CPB1: variants seen among roughly 807,000 people sequenced by gnomAD.
CPB1 encodes carboxypeptidase B.
In CPB1, 53 loss-of-function variants were observed where a neutral mutation model predicts 51.4. The ratio of observed to expected loss-of-function variants is 1.03; its 90% CI spans 0.83 to 1.30. The LOEUF is 1.30. Ranked by LOEUF, CPB1 falls within the 50% of genes most tolerant of loss-of-function variation. CPB1 has a pLI of 0.00. For synonymous variants in CPB1, 189 were observed against 186.9 expected (o/e 1.01, Z -0.09); for missense variants, 494 against 516.2 (o/e 0.96, Z 0.42).
chr3:148,846,797 G>GTGTGTGTATA (rs1364486523), intron 9 of CPB1, among the ~76,000 whole-genome samples: 80 of 50,496 alleles, frequency 1.6e-3, no homozygotes, highest in Non-Finnish European at 2.7e-3. Flanking sequence ...GTGTGCGTGT[G>GTGTGTGTATA]TATATATATA....
At chr3:148,831,928 A>C (rs1712749967) in intron 2 of CPB1, among the ~76,000 whole-genome samples, 1 of 152,108 alleles carries the variant, frequency 6.6e-6, no homozygotes, top group African/African-American at 2.4e-5. Flanking sequence ...AACAGCTGTG[A>C]GGCTATAGCA....
At chr3:148,830,954 C>A (rs1712716491) in intron 2 of CPB1, among the ~76,000 whole-genome samples, 1 of 152,134 alleles carries the variant, frequency 6.6e-6, no homozygotes, top group Non-Finnish European at 1.5e-5. Context: ...ATATTCTGGG[C>A]TGTAGCCTTC....
chr3:148,850,090 T>C (rs1238383080), intron 9 of CPB1, among the ~76,000 whole-genome samples: 1 of 152,248 alleles, frequency 6.6e-6, no homozygotes, highest in African/African-American at 2.4e-5. Flanking sequence ...CATGGCCTAG[T>C]CTTTATGATT....
intron 3 of CPB1, among the ~76,000 whole-genome samples, chr3:148,835,823 A>G (rs1712889094): frequency 1.3e-5 from 2 of 152,210 alleles, no homozygotes; most frequent in Admixed American, 1.3e-4. Context: ...TAAAAATGTA[A>G]AAGAATAGTA....
Position 148,827,875 on chromosome 3 carries a change from G to A in CPB1, c.52G>A (p.Gly18Ser). 1 of 1,614,040 alleles carries A rather than the reference G, an allele frequency of 6.2e-7. No individual in the cohort carries two copies. Among genetic ancestry groups the A allele is most frequent in the Non-Finnish European group, 8.5e-7 (1 of 1,179,932 alleles). The change falls in exon 1 of 11, where the codon GGT becomes AGT. Residue 18 changes from glycine (G) to serine (S), a missense_variant. Transcript: ENST00000282957. ...TGTGGCCCTGGCATCTGCTCATCAT[G>A]GTGGTGAGCACTTTGAAGGGTAAGT... is the stretch of plus-strand genomic sequence containing the variant. ...VTVALASAHH[G>S]GEHFEGEKVF...
Position 148,844,496 on chromosome 3 carries a change from CGTGA to C in CPB1, c.597_600del (p.Glu200SerfsTer3). 6.2e-7 allele frequency: 1 copy of C among 1,613,506 alleles called. No individual in the cohort carries two copies. Among genetic ancestry groups the C allele is most frequent in the Non-Finnish European group, 8.5e-7 (1 of 1,179,530 alleles). ...CATACAGGCTGTTCGTACCTATGGA[CGTGA>C]GATCCAAGTGACAGAGCTTCTCGAC... On this transcript the variant is annotated frameshift_variant, in exon 7 of 11. Transcript: ENST00000282957. LOFTEE classifies it high-confidence loss of function.
At chr3:148,857,633 C>A in intron 10 of CPB1, 92 bp downstream of exon 10, 2 of 839,374 alleles carry the variant, frequency 2.4e-6, no homozygotes, top group Non-Finnish European at 1.8e-6. Flanking sequence ...TAGTTTAAAG[C>A]ATGTGGCTTT....
chr3:148,830,247 C>G (rs1712692612), intron 2 of CPB1, among the ~76,000 whole-genome samples: 1 of 152,148 alleles, frequency 6.6e-6, no homozygotes, highest in Admixed American at 6.5e-5. Flanking sequence ...GCCAGTGAGC[C>G]CTTCGAGCTC....
intron 2 of CPB1, among the ~76,000 whole-genome samples, chr3:148,828,970 C>G (rs1307037961): frequency 6.6e-6 from 1 of 152,166 alleles, no homozygotes; most frequent in East Asian, 1.9e-4. Context: ...TTCTGGGAAA[C>G]AGCATCCCCA....
chr3:148,830,185 G>A lies in CPB1; in HGVS notation c.147+2108G>A, dbSNP rs150991590. Among the ~76,000 whole-genome samples, 38 of 152,074 alleles carry A rather than the reference G, an allele frequency of 2.5e-4. 1 individual carries two copies. Among genetic ancestry groups the A allele is most frequent in the Non-Finnish European group, 5.3e-4 (36 of 68,004 alleles). ...CCAGGCCCCAGCAGCTCCTGCTTCT[G>A]GGCTTCACCTGTTTTCGTGTTTATA... On this transcript the variant is annotated intron_variant, in intron 2 of 10. Coordinates refer to ENST00000282957, the MANE Select transcript of CPB1 (RefSeq NM_001871.3).
intron 3 of CPB1, among the ~76,000 whole-genome samples, chr3:148,835,155 T>A (rs148279184): frequency 1.3e-5 from 2 of 151,884 alleles, no homozygotes; most frequent in Admixed American, 1.3e-4. Context: ...AGGACTAGAG[T>A]AGTTGGCTAA....
intron 2 of CPB1, among the ~76,000 whole-genome samples, chr3:148,828,783 C>T (rs1210517119): frequency 6.6e-6 from 1 of 152,132 alleles, no homozygotes; most frequent in African/African-American, 2.4e-5. Context: ...AATCTGCTAG[C>T]TTATACACAC....
chr3:148,834,603 C>T lies in CPB1; in HGVS notation c.253C>T (p.Gln85Ter). Residue 85 changes from glutamine to a stop codon, truncating the protein, a stop_gained, in exon 3 of 11, where the codon CAG (glutamine) becomes TAG (stop). Coordinates refer to ENST00000282957, the MANE Select transcript of CPB1 (RefSeq NM_001871.3). LOFTEE classifies it high-confidence loss of function. ...TGTCACTGTGGAGAATGTTCTAAAG[C>T]AGAATGAACTACAATACAAGTAAGT... ...DTVTVENVLK[Q>*]NELQYKVLIS... The T allele has an allele frequency of 1.2e-6, 2 of 1,611,070 alleles. No homozygotes were observed. The highest frequency in any genetic ancestry group is 2.2e-5 in the South Asian group (2 of 90,976).
Position 148,840,702 on chromosome 3 carries a change from C to T in CPB1, c.289C>T (p.Leu97=), listed in dbSNP as rs1713049878. 2 of 1,614,104 alleles carry T rather than the reference C, an allele frequency of 1.2e-6. No individual in the cohort carries two copies. The highest frequency in any genetic ancestry group is 1.6e-4 in the Middle Eastern group (1 of 6,062). The change falls in exon 4 of 11, where the codon CTG becomes TTG. Residue 97 remains leucine, a synonymous_variant. Transcript: ENST00000282957. The part of the protein sequence containing the change: ...ELQYKVLISN[L]RNVVEAQFDS... ...TCGTTGCAGGGTACTGATAAGCAACCTGAGAAATGTGGTGGAGGCTCAGTT... is the reference window on the plus strand; with the variant it reads ...TCGTTGCAGGGTACTGATAAGCAACTTGAGAAATGTGGTGGAGGCTCAGTT...
chr3:148,844,631 A>G, intron 7 of CPB1, 43 bp downstream of exon 7: 1 of 1,611,478 alleles, frequency 6.2e-7, no homozygotes, highest in Non-Finnish European at 8.5e-7. Context: ...AATTAAAACC[A>G]ACGCCTCTCT....
chr3:148,844,953 G>A (rs1713190264), intron 8 of CPB1, among the ~76,000 whole-genome samples, 186 bp downstream of exon 8: 1 of 151,204 alleles, frequency 6.6e-6, no homozygotes, highest in Admixed American at 6.6e-5. Flanking sequence ...GAACTCTGTT[G>A]CGTTCCCAGC....
chr3:148,858,977 C>A (rs1414344491), intron 10 of CPB1, among the ~76,000 whole-genome samples: 2 of 152,122 alleles, frequency 1.3e-5, no homozygotes, highest in African/African-American at 4.8e-5. Context: ...ATACAATTTT[C>A]TTTATTTTTA....
chr3:148,837,323 C>T (rs918897148), intron 3 of CPB1, among the ~76,000 whole-genome samples: 2 of 152,044 alleles, frequency 1.3e-5, no homozygotes, highest in African/African-American at 4.8e-5. Context: ...CAATGTTCTT[C>T]AATAACAGTG....
chr3:148,841,062 C>T (rs1713061263), intron 5 of CPB1, 87 bp downstream of exon 5: 4 of 1,084,684 alleles, frequency 3.7e-6, no homozygotes, highest in Non-Finnish European at 5.5e-6. Context: ...CACAGACACG[C>T]TTATCCCAAA....
Sources: allele counts gnomAD v4.1 joint callset (sites outside exome capture counted in the v4.1 genomes callset), GRCh38; gene constraint gnomAD v4.1.1; transcripts MANE v1.5; gene names NCBI Gene and HGNC (gene_info 2026-07-23, HGNC 2026-07-21).